Variants in RNF2 observed in about 807,000 individuals in gnomAD.
RNF2 encodes the protein E3 ubiquitin-protein ligase RING2.
RNF2 carries 6 observed loss-of-function variants against 37.2 expected under a neutral mutation model. That is an observed-to-expected ratio of 0.16 (90% confidence interval 0.09 to 0.32). The LOEUF (loss-of-function observed/expected upper bound fraction) is 0.32. RNF2 is among the 10% of genes least tolerant of loss of function. RNF2 has a pLI of 1.00. For missense variants in RNF2, 251 were observed against 404.0 expected, an observed-to-expected ratio of 0.62 and a Z score of 3.25; for synonymous variants, 133 against 132.7, an observed-to-expected ratio of 1.00 and a Z score of -0.02.
At chr1:185,050,352 G>C (rs555179185) in intron 1 of RNF2, among the ~76,000 whole-genome samples, 1 of 152,314 alleles carries the variant, frequency 6.6e-6, no homozygotes, top group South Asian at 2.1e-4. Context: ...CCTCTTCTCT[G>C]CCTACCTAAC....
intron 5 of RNF2, 115 bp downstream of exon 5, chr1:185,098,459 G>A (rs914259073): frequency 1.6e-5 from 19 of 1,201,436 alleles, no homozygotes; most frequent in Non-Finnish European, 1.3e-5. Context: ...GATTGCAGGG[G>A]TTCAGTTACT....
intron 3 of RNF2, among the ~76,000 whole-genome samples, chr1:185,092,304 G>A (rs1651789144): frequency 6.6e-6 from 1 of 151,994 alleles, no homozygotes; most frequent in Admixed American, 6.6e-5. Context: ...AGCCTCCTGA[G>A]TAGCTGGGAT....
At chr1:185,079,819 A>T (rs1651291323) in intron 1 of RNF2, among the ~76,000 whole-genome samples, 2 of 152,000 alleles carry the variant, frequency 1.3e-5, no homozygotes. Context: ...AGTCCCAGCT[A>T]CTCAGGAGGC....
intron 1 of RNF2, among the ~76,000 whole-genome samples, chr1:185,055,134 A>C (rs967716830): frequency 4.6e-5 from 7 of 152,252 alleles, no homozygotes; most frequent in African/African-American, 1.7e-4. Context: ...TAGGGAAAGT[A>C]TGCTCTGCAG....
chr1:185,081,240 T>G (rs1651340122), intron 1 of RNF2, among the ~76,000 whole-genome samples: 1 of 152,210 alleles, frequency 6.6e-6, no homozygotes, highest in Non-Finnish European at 1.5e-5. Context: ...GCTTTGGGAT[T>G]CGATGAACTC....
In RNF2 at chr1:185,100,894, C is replaced by T. The variant is rs998212926; in HGVS notation, c.*593C>T. ...TCTTTATGAACTTAGTGTCCATTGT[C>T]ATGCAATGTTTTTTTTTTTCCATTC... On this transcript the variant is annotated 3_prime_UTR_variant, in exon 7 of 7. Coordinates refer to ENST00000367510, the MANE Select transcript of RNF2 (RefSeq NM_007212.4). 1.3e-5 allele frequency: 2 copies of T among 151,900 alleles called. No homozygotes were observed. The highest frequency in any genetic ancestry group is 4.8e-5 in the African/African-American group (2 of 41,310). The allele number at this position is 151,900 out of a possible 1,614,324, so 9.4% of individuals were successfully genotyped here.
chr1:185,073,268 T>G (rs2378958), intron 1 of RNF2, among the ~76,000 whole-genome samples: 22,221 of 152,086 alleles, frequency 0.15, 1,852 homozygotes, highest in East Asian at 0.26. Context: ...TGTGAGAATT[T>G]GTGCTGGGTA....
chr1:185,060,209 T>C (rs187619890), intron 1 of RNF2, among the ~76,000 whole-genome samples: 251 of 152,374 alleles, frequency 1.6e-3, no homozygotes, highest in African/African-American at 5.7e-3. Flanking sequence ...AATTCAGATC[T>C]GTGTAAATCT....
intron 1 of RNF2, among the ~76,000 whole-genome samples, chr1:185,067,373 G>A (rs543125802): frequency 1.3e-5 from 2 of 152,290 alleles, no homozygotes; most frequent in South Asian, 4.1e-4. Flanking sequence ...TTTATTATTT[G>A]CCTAGTCTTG....
intron 1 of RNF2, among the ~76,000 whole-genome samples, chr1:185,067,622 T>A (rs2102168230): frequency 6.6e-6 from 1 of 152,282 alleles, no homozygotes. Context: ...TTTTCTTTGT[T>A]TCATAGTGCT....
chr1:185,092,549 A>G (rs1254960561), intron 3 of RNF2, among the ~76,000 whole-genome samples: 1 of 152,190 alleles, frequency 6.6e-6, no homozygotes, highest in African/African-American at 2.4e-5. Flanking sequence ...ATTGTAGGAA[A>G]ATCTTTGTAT....
chr1:185,080,500 G>A (rs1164897579), intron 1 of RNF2, among the ~76,000 whole-genome samples: 1 of 152,184 alleles, frequency 6.6e-6, no homozygotes, highest in Non-Finnish European at 1.5e-5. Context: ...TTGAGATAAT[G>A]ATTTTGGCAG....
intron 1 of RNF2, among the ~76,000 whole-genome samples, chr1:185,085,147 T>TTTTC (rs1651546342): frequency 9.3e-6 from 1 of 107,344 alleles, no homozygotes; most frequent in Non-Finnish European, 1.9e-5. Flanking sequence ...TTCTTTTTCT[T>TTTTC]TTTTTTTTTT....
At chr1:185,054,197 G>A (rs562173348) in intron 1 of RNF2, among the ~76,000 whole-genome samples, 1 of 152,306 alleles carries the variant, frequency 6.6e-6, no homozygotes, top group East Asian at 1.9e-4. Context: ...AGCTGCTAGG[G>A]CACGCAACGG....
At position 185,087,575 on chromosome 1, in the gene RNF2, A is replaced by T. The variant is rs754943521; in HGVS notation, c.22A>T (p.Asn8Tyr). 6.2e-6 allele frequency: 10 copies of T among 1,614,086 alleles called. No individual in the cohort carries two copies. In the Admixed American group the frequency reaches 1.3e-4, roughly 22 times the overall value. Residue 8 changes from asparagine to tyrosine, a missense_variant, in exon 2 of 7, where the codon AAC becomes TAC. Physicochemically the swap from Asn to Tyr is moderately radical, Grantham distance 143 (BLOSUM62 -2). Around this residue, in one of 7 missense-constraint regions of RNF2, gnomAD observed 43 missense variants for 82.7 expected, o/e 0.52. Transcript: ENST00000367510. MSQAVQT[N>Y]GTQPLSKTWE... ...AGCAATGTCTCAGGCTGTGCAGACA[A>T]ACGGAACTCAACCATTAAGCAAAAC...
chr1:185,070,435 T>G (rs957754759), intron 1 of RNF2, among the ~76,000 whole-genome samples: 1 of 152,170 alleles, frequency 6.6e-6, no homozygotes, highest in Non-Finnish European at 1.5e-5. Context: ...CTGCCTTTAC[T>G]TTGGGGAATT....
intron 1 of RNF2, among the ~76,000 whole-genome samples, chr1:185,054,909 A>G (rs1209044275): frequency 6.6e-6 from 1 of 152,068 alleles, no homozygotes; most frequent in Non-Finnish European, 1.5e-5. Flanking sequence ...CATGTTGCCC[A>G]GGCTGGTCTG....
At chr1:185,075,382 C>G (rs1174936303) in intron 1 of RNF2, among the ~76,000 whole-genome samples, 2 of 152,140 alleles carry the variant, frequency 1.3e-5, no homozygotes, top group African/African-American at 2.4e-5. Flanking sequence ...ATTCCTTATG[C>G]GAAATACTGT....
At chr1:185,065,119 C>G (rs1650761079) in intron 1 of RNF2, among the ~76,000 whole-genome samples, 1 of 152,112 alleles carries the variant, frequency 6.6e-6, no homozygotes, top group Non-Finnish European at 1.5e-5. Context: ...TAAAAACGCA[C>G]CAATCAGCCC....
Sources: allele counts gnomAD v4.1 joint callset (sites outside exome capture counted in the v4.1 genomes callset), GRCh38; gene constraint gnomAD v4.1.1; regional missense constraint gnomAD v4.1.1; transcripts MANE v1.5; gene names NCBI Gene and HGNC (gene_info 2026-07-23, HGNC 2026-07-21).